AP2A2: variants seen among roughly 807,000 people sequenced by gnomAD.
AP2A2 encodes the protein adaptor related protein complex 2 subunit alpha 2, also known as AP-2 complex subunit alpha-2.
Under a neutral mutation model 104.2 loss-of-function variants are expected in AP2A2, and 32 were observed. The observed-to-expected ratio is 0.31, with a 90% CI of 0.23 to 0.41. The LOEUF is 0.41. AP2A2 is among the 10% of genes least tolerant of loss of function. The probability of loss-of-function intolerance (pLI) is 1.00; values close to 1 mark genes in which losing one functional copy is unlikely to be tolerated. For missense variants in AP2A2, 912 were observed against 1,261.0 expected (o/e 0.72, Z 4.19); for synonymous variants, 539 against 533.3 (o/e 1.01, Z -0.15).
Position 972,100 on chromosome 11 carries a change from T to C in AP2A2, c.318T>C (p.Ser106=). The change falls in exon 4 of 22, where the codon AGT becomes AGC. Residue 106 remains serine, a synonymous_variant. Transcript: ENST00000448903. The part of the protein sequence containing the change: ...LFISVLVNSN[S]ELIRLINNAI... ...TCTCTGTGTTGGTGAACTCAAACAG[T>C]GAGCTGATCCGCCTGATCAACAACG... 6.2e-7 allele frequency: 1 copy of C among 1,613,770 alleles called. No individual in the cohort carries two copies. The highest frequency in any genetic ancestry group is 8.5e-7 in the Non-Finnish European group (1 of 1,179,798).
At chr11:977,879 C>T (rs58401279) in intron 5 of AP2A2, among the ~76,000 whole-genome samples, 8 of 152,190 alleles carry the variant, frequency 5.3e-5, no homozygotes, top group East Asian at 1.9e-4. Flanking sequence ...GCCGGTCACG[C>T]GTTCACAAGG....
intron 14 of AP2A2, among the ~76,000 whole-genome samples, chr11:999,378 G>T (rs1855954812): frequency 6.6e-6 from 1 of 152,190 alleles, no homozygotes; most frequent in South Asian, 2.1e-4. Context: ...TGGGCGTGAT[G>T]GCGGCCACCT....
chr11:1,011,540 T>G lies in AP2A2; in HGVS notation c.*915T>G, dbSNP rs908816557. On this transcript the variant is annotated 3_prime_UTR_variant, in exon 22 of 22. Coordinates refer to ENST00000448903, the MANE Select transcript of AP2A2 (RefSeq NM_012305.4). ...TGAAGGGGCCATTGGCCGCATGCCATGTGCCACCTGCGGCTTGTGTCTCAC... is the reference window on the plus strand; with the variant it reads ...TGAAGGGGCCATTGGCCGCATGCCAGGTGCCACCTGCGGCTTGTGTCTCAC... 8.4e-6 allele frequency: 4 copies of G among 476,100 alleles called. No individual in the cohort carries two copies. The highest frequency in any genetic ancestry group is 7.8e-5 in the African/African-American group (4 of 51,042). 29.5% of individuals were successfully genotyped at this position (476,100 alleles called of 1,614,324 possible). A position where few individuals can be genotyped will look rare whatever the true frequency, so the allele number is the denominator to read the frequency against.
At chr11:972,497 C>G (rs937036444) in intron 4 of AP2A2, among the ~76,000 whole-genome samples, 1 of 152,132 alleles carries the variant, frequency 6.6e-6, no homozygotes. Context: ...GAGTTCAAGA[C>G]CAGCCTGGGC....
intron 3 of AP2A2, among the ~76,000 whole-genome samples, chr11:971,129 G>A (rs1564800453): frequency 2.0e-5 from 3 of 152,224 alleles, no homozygotes; most frequent in African/African-American, 7.2e-5. Flanking sequence ...GTGTTGGGGG[G>A]ATGGGGGATT....
rs1001179966 is a variant in AP2A2, at chr11:983,935, C to T, written c.706-710C>T. Among the ~76,000 whole-genome samples the T allele has an allele frequency of 4.6e-5, 7 of 152,102 alleles. No individual in the cohort carries two copies. The South Asian group carries it at 6.2e-4, about 14-fold the overall frequency. On this transcript the variant is annotated intron_variant, in intron 6 of 21. Coordinates refer to ENST00000448903, the MANE Select transcript of AP2A2 (RefSeq NM_012305.4). The stretch of plus-strand genomic sequence containing the variant: ...AGCTTGCCTCCTTGCAGCAGGAGTC[C>T]GTGACCCAAGTCTGGGCTGGCATCT...
At position 992,507 on chromosome 11, in the gene AP2A2, T is replaced by C; in HGVS notation, c.1274T>C (p.Leu425Pro). ...ADYSIREEIV[L>P]KVAILAEKYA... ...TCAGCAGCCTGTCCCCCACAGGTGC[T>C]GAAGGTCGCCATCCTGGCTGAGAAG... Residue 425 changes from leucine to proline, a missense_variant, in exon 11 of 22, where the codon CTG becomes CCG. Physicochemically the swap from Leu to Pro is moderately conservative, Grantham distance 98. Coordinates refer to ENST00000448903, the MANE Select transcript of AP2A2 (RefSeq NM_012305.4). The surrounding 1 kb of genome is among the most constrained non-coding windows in gnomAD (Gnocchi z 6.4). 1 of 1,587,610 alleles carries C rather than the reference T, an allele frequency of 6.3e-7. No individual in the cohort carries two copies. The highest frequency in any genetic ancestry group is 8.6e-7 in the Non-Finnish European group (1 of 1,167,184).
intron 5 of AP2A2, among the ~76,000 whole-genome samples, chr11:978,310 A>T (rs898264442): frequency 6.6e-6 from 1 of 152,090 alleles, no homozygotes; most frequent in African/African-American, 2.4e-5. Flanking sequence ...ACTGGCCGGG[A>T]CTGCTGTCAT....
At chr11:957,885 T>G (rs1854289406) in intron 1 of AP2A2, among the ~76,000 whole-genome samples, 1 of 152,256 alleles carries the variant, frequency 6.6e-6, no homozygotes, top group African/African-American at 2.4e-5. Context: ...ACAGAGACCA[T>G]GTCTGTTTTT....
At chr11:1,006,654 C>A in intron 17 of AP2A2, 37 bp downstream of exon 17, 1 of 1,507,850 alleles carries the variant, frequency 6.6e-7, no homozygotes, top group Non-Finnish European at 9.2e-7. Flanking sequence ...CCGCAGACAG[C>A]ATAATGTGGG....
chr11:977,259 C>G (rs1412092736), intron 5 of AP2A2, 35 bp downstream of exon 5: 5 of 1,549,692 alleles, frequency 3.2e-6, no homozygotes, highest in Non-Finnish European at 3.5e-6. Context: ...CCCCGCTCCC[C>G]CAGGTGACCT....
At chr11:994,275 C>T (rs767785322) in intron 14 of AP2A2, 30 bp downstream of exon 14, 3 of 1,607,344 alleles carry the variant, frequency 1.9e-6, no homozygotes, top group Non-Finnish European at 2.5e-6. Flanking sequence ...TGCACCCAGA[C>T]CTGTCAGGGC....
At chr11:980,534 C>T (rs527319432) in intron 5 of AP2A2, among the ~76,000 whole-genome samples, 8 of 149,806 alleles carry the variant, frequency 5.3e-5, no homozygotes, top group African/African-American at 1.5e-4. Context: ...ACAGGCTGCC[C>T]GGTGCCGTGT....
At chr11:934,616 G>A (rs1256058814) in intron 1 of AP2A2, among the ~76,000 whole-genome samples, 1 of 152,146 alleles carries the variant, frequency 6.6e-6, no homozygotes, top group East Asian at 1.9e-4. Context: ...GAAGTGTAGA[G>A]ACCAACAGCC....
Position 1,011,316 on chromosome 11 carries a change from G to A in AP2A2, c.*691G>A, listed in dbSNP as rs368789183. 4.0e-5 allele frequency: 21 copies of A among 518,658 alleles called. No homozygotes were observed. The highest frequency in any genetic ancestry group is 7.7e-5 in the African/African-American group (4 of 51,970). 32.1% of individuals were successfully genotyped at this position (518,658 alleles called of 1,614,324 possible). ...TTGGATGTGCAGCCAGGGGAGGAGC[G>A]TCCTGCCGGCCCCGCAGGGCCCCCA... On this transcript the variant is annotated 3_prime_UTR_variant, in exon 22 of 22. Coordinates refer to ENST00000448903, the MANE Select transcript of AP2A2 (RefSeq NM_012305.4).
chr11:971,366 G>A (rs567468517), intron 3 of AP2A2, among the ~76,000 whole-genome samples: 2 of 152,340 alleles, frequency 1.3e-5, no homozygotes, highest in East Asian at 1.9e-4. Flanking sequence ...CTGGGCGTGC[G>A]AGCGCAGGGC....
At chr11:986,695 C>T in intron 8 of AP2A2, 90 bp from the exon 9 acceptor site, 2 of 1,457,974 alleles carry the variant, frequency 1.4e-6, no homozygotes, top group South Asian at 1.3e-5. Flanking sequence ...TTGCTGTCTG[C>T]CATCTGGACC....
At chr11:984,864 C>G in intron 7 of AP2A2, 111 bp downstream of exon 7, 1 of 943,848 alleles carries the variant, frequency 1.1e-6, no homozygotes, top group Non-Finnish European at 1.7e-6. Context: ...AGCCCTGTCT[C>G]TTGATTCATG....
At position 1,000,489 on chromosome 11, in the gene AP2A2, G is replaced by A. The variant is rs774676839; in HGVS notation, c.2014G>A (p.Ala672Thr). 3.6e-5 allele frequency: 55 copies of A among 1,539,182 alleles called. No individual in the cohort carries two copies. The highest frequency in any genetic ancestry group is 1.1e-4 in the African/African-American group (8 of 73,016). The change falls in exon 15 of 22, where the codon GCG (alanine) becomes ACG (threonine). Residue 672 changes from alanine to threonine, a missense_variant. Coordinates refer to ENST00000448903, the MANE Select transcript of AP2A2 (RefSeq NM_012305.4). The part of the protein sequence containing the change: ...LGLGAAPPAP[A>T]GPPPSSGGSG... The stretch of plus-strand genomic sequence containing the variant: ...TCTCGGGGCTGCCCCCCCTGCCCCC[G>A]CGGGCCCCCCACCCTCCTCCGGCGG...
Sources: gnomAD v4.1 joint callset for allele counts (sites outside exome capture counted in the v4.1 genomes callset) on GRCh38, gnomAD v4.1.1 for gene constraint, Gnocchi (gnomAD v3.1) non-coding constraint, MANE v1.5 for transcripts, NCBI Gene and HGNC (gene_info 2026-07-23, HGNC 2026-07-21) for gene names.